Variants in DST observed in about 807,000 individuals in gnomAD.
The protein encoded by DST is bullous pemphigoid antigen.
Under a neutral mutation model 875.2 loss-of-function variants are expected in DST, and 253 were observed. That is an observed-to-expected ratio of 0.29 (90% confidence interval 0.26 to 0.32). The LOEUF (loss-of-function observed/expected upper bound fraction) is 0.32, where lower values mean the gene tolerates loss of function less well. DST is among the 10% of genes least tolerant of loss of function. DST has a pLI of 1.00. For synonymous variants in DST, 3,124 were observed against 3,197.1 expected (o/e 0.98, Z 0.77); for missense variants, 8,287 against 9,111.6 (o/e 0.91, Z 3.68).
At chr6:56,702,478 G>A (rs187556482) in intron 7 of DST, among the ~76,000 whole-genome samples, 2 of 152,100 alleles carry the variant, frequency 1.3e-5, no homozygotes, top group East Asian at 1.9e-4. Flanking sequence ...CACCAAGAAG[G>A]AGAAAGACAG....
chr6:56,459,576 T>C (rs2094215941), intron 103 of DST, among the ~76,000 whole-genome samples: 1 of 152,214 alleles, frequency 6.6e-6, no homozygotes, highest in Non-Finnish European at 1.5e-5. Context: ...TTGTGCTTTC[T>C]AAAGTTTAAA....
At chr6:56,632,275 G>C (rs546405751) in intron 28 of DST, among the ~76,000 whole-genome samples, 1 of 152,198 alleles carries the variant, frequency 6.6e-6, no homozygotes, top group Non-Finnish European at 1.5e-5. Flanking sequence ...CCGATTAAAT[G>C]CTGTCCAAAG....
At chr6:56,890,282 G>T (rs745743243) in intron 3 of DST, among the ~76,000 whole-genome samples, 13 of 152,190 alleles carry the variant, frequency 8.5e-5, no homozygotes, top group Non-Finnish European at 1.9e-4. Context: ...CCCATGTATT[G>T]TCAATGAGGT....
intron 59 of DST, 89 bp from the exon 60 acceptor site, chr6:56,555,929 A>G (rs966814742): frequency 1.5e-6 from 2 of 1,292,656 alleles, no homozygotes; most frequent in African/African-American, 3.0e-5. Flanking sequence ...AGAAATGGTA[A>G]TTATTTCTCC....
chr6:56,574,129 T>G (rs1306747982), intron 50 of DST, among the ~76,000 whole-genome samples: 1 of 150,660 alleles, frequency 6.6e-6, no homozygotes, highest in Admixed American at 6.8e-5. Flanking sequence ...ATATCCCATC[T>G]GCATTTGAAA....
chr6:56,557,310 A>T lies in DST; in HGVS notation c.14640+9T>A. ...ATGCACGAGAGACAGGTTATTAGGT[A>T]ATACTCACCTGCACCTGCTGCCTTT... On this transcript the variant is annotated intron_variant, in intron 59 of 103. Coordinates refer to ENST00000680361, the MANE Select transcript of DST (RefSeq NM_001374736.1). 1 of 1,609,474 alleles carries T rather than the reference A, an allele frequency of 6.2e-7. No individual in the cohort carries two copies. The highest frequency in any genetic ancestry group is 8.5e-7 in the Non-Finnish European group (1 of 1,178,302).
At chr6:56,613,418 A>T (rs1368118747) in intron 37 of DST, among the ~76,000 whole-genome samples, 1 of 152,202 alleles carries the variant, frequency 6.6e-6, no homozygotes, top group African/African-American at 2.4e-5. Context: ...AAGTAAGACA[A>T]GGCACTGGTG....
At chr6:56,814,101 G>T (rs894804182) in intron 4 of DST, among the ~76,000 whole-genome samples, 2 of 151,956 alleles carry the variant, frequency 1.3e-5, no homozygotes, top group Non-Finnish European at 2.9e-5. Context: ...AAACAAGAAA[G>T]CAGTAATTGT....
chr6:56,538,078 G>A (rs2097047714), intron 61 of DST, among the ~76,000 whole-genome samples: 1 of 152,056 alleles, frequency 6.6e-6, no homozygotes, highest in Non-Finnish European at 1.5e-5. Context: ...TGTCTCCCAG[G>A]CTCAAGCCAT....
intron 9 of DST, among the ~76,000 whole-genome samples, chr6:56,688,004 A>G (rs2099200178): frequency 6.6e-6 from 1 of 152,192 alleles, no homozygotes; most frequent in African/African-American, 2.4e-5. Flanking sequence ...CAGAGGGGAA[A>G]GGCTACCTTT....
chr6:56,655,937 T>G (rs2152805183), intron 10 of DST, among the ~76,000 whole-genome samples: 1 of 152,382 alleles, frequency 6.6e-6, no homozygotes, highest in Admixed American at 6.5e-5. Context: ...GAGCCTGTGT[T>G]TTGTCCATGT....
chr6:56,630,506 T>C, intron 30 of DST, 123 bp from the exon 31 acceptor site: 1 of 885,252 alleles, frequency 1.1e-6, no homozygotes, highest in Non-Finnish European at 1.8e-6. Context: ...ACTGATACAT[T>C]TACTATGAAA....
rs1437202917 is a variant in DST at position 56,620,447 on chromosome 6, T to TA, written c.4929+4082dup. ...CACAATGGTTTCAAGTTCCCTGCGGTACTGCTTGGCTTCACTTTCAGCCCT... is the reference window on the plus strand; with the variant it reads ...CACAATGGTTTCAAGTTCCCTGCGGTAACTGCTTGGCTTCACTTTCAGCCCT... On this transcript the variant is annotated intron_variant, in intron 36 of 103. Coordinates refer to ENST00000680361, the MANE Select transcript of DST (RefSeq NM_001374736.1). 1.2e-6 allele frequency: 2 copies of TA among 1,614,098 alleles called. No individual in the cohort carries two copies. Among genetic ancestry groups the TA allele is most frequent in the African/African-American group, 2.7e-5 (2 of 74,942 alleles).
chr6:56,842,838 C>G (rs543442189), intron 4 of DST, among the ~76,000 whole-genome samples: 1 of 152,126 alleles, frequency 6.6e-6, no homozygotes, highest in Non-Finnish European at 1.5e-5. Flanking sequence ...CCCTCTCTAC[C>G]GCTCATCTAA....
intron 90 of DST, among the ~76,000 whole-genome samples, chr6:56,478,940 G>A (rs1193752444): frequency 1.3e-5 from 2 of 152,154 alleles, no homozygotes; most frequent in Admixed American, 6.5e-5. Context: ...AAATAAAAAA[G>A]CTTCTGCACA....
intron 5 of DST, among the ~76,000 whole-genome samples, chr6:56,719,439 G>A (rs2099406508): frequency 6.6e-6 from 1 of 152,202 alleles, no homozygotes; most frequent in African/African-American, 2.4e-5. Flanking sequence ...TGTGCAAAAG[G>A]TTACCAAGTG....
intron 10 of DST, among the ~76,000 whole-genome samples, chr6:56,659,016 T>A (rs528483652): frequency 1.3e-5 from 2 of 152,268 alleles, no homozygotes; most frequent in Admixed American, 1.3e-4. Flanking sequence ...TCTTAAAGGA[T>A]TGTAAACTTT....
intron 37 of DST, among the ~76,000 whole-genome samples, chr6:56,613,697 A>G (rs2098576299): frequency 5.9e-5 from 9 of 152,186 alleles, no homozygotes; most frequent in Non-Finnish European, 1.5e-5. Context: ...CCAACTACCA[A>G]CATCCTAAGA....
intron 4 of DST, among the ~76,000 whole-genome samples, chr6:56,737,447 T>C (rs1043536786): frequency 2.0e-5 from 3 of 152,226 alleles, no homozygotes; most frequent in African/African-American, 7.2e-5. Flanking sequence ...CATACACCTA[T>C]TTAAGTTTAA....
Sources: allele counts gnomAD v4.1 joint callset (sites outside exome capture counted in the v4.1 genomes callset), GRCh38; gene constraint gnomAD v4.1.1; transcripts MANE v1.5; gene names NCBI Gene and HGNC (gene_info 2026-07-23, HGNC 2026-07-21).